Variants in FBLN7 observed in about 807,000 individuals in gnomAD.
FBLN7 encodes the protein fibulin 7, also known as fibulin-7.
FBLN7 carries 31 observed loss-of-function variants against 44.0 expected under a neutral mutation model. That is an observed-to-expected ratio of 0.70 (90% CI 0.53 to 0.95). The LOEUF is 0.95. Among genes scored for constraint, FBLN7 ranks in the 40% least tolerant of loss-of-function variants. FBLN7 has a pLI of 0.00. For missense variants in FBLN7, 573 were observed against 618.5 expected, an observed-to-expected ratio of 0.93 and a Z score of 0.78; for synonymous variants, 262 against 253.4, an observed-to-expected ratio of 1.03 and a Z score of -0.32.
chr2:112,231,526 A>G, the FBLN7 span, among the ~76,000 whole-genome samples: 2 of 152,218 alleles, frequency 1.3e-5, no homozygotes, highest in Non-Finnish European at 2.9e-5. Context: ...AAGAATCTTT[A>G]TAACAGGAGT....
intron 7 of FBLN7, among the ~76,000 whole-genome samples, chr2:112,186,618 C>T (rs1055720848): frequency 3.9e-5 from 6 of 151,982 alleles, no homozygotes; most frequent in South Asian, 4.2e-4. Context: ...CCAGCCTGGG[C>T]GACAGAGTGA....
the FBLN7 span, among the ~76,000 whole-genome samples, chr2:112,207,201 T>G: frequency 6.6e-6 from 1 of 152,222 alleles, no homozygotes; most frequent in Non-Finnish European, 1.5e-5. Flanking sequence ...GCAAGGTGGC[T>G]CATGCCTGTA....
chr2:112,212,988 T>TTTTTA, the FBLN7 span: 1 of 115,568 alleles, frequency 8.7e-6, no homozygotes, highest in Non-Finnish European at 1.8e-5. Context: ...TTTTTTTTTT[T>TTTTTA]ATAAGAGACA....
At chr2:112,200,453 C>T in the FBLN7 span, among the ~76,000 whole-genome samples, 2 of 152,100 alleles carry the variant, frequency 1.3e-5, no homozygotes, top group South Asian at 2.1e-4. Context: ...GGGGAATTCT[C>T]GAATTACCTG....
intron 1 of FBLN7, among the ~76,000 whole-genome samples, chr2:112,155,293 G>A (rs1363684668): frequency 6.6e-6 from 1 of 152,166 alleles, no homozygotes; most frequent in Non-Finnish European, 1.5e-5. Context: ...AAGGAGCTCG[G>A]TGATGCCTGT....
chr2:112,196,443 A>G, the FBLN7 span, among the ~76,000 whole-genome samples: 2 of 123,090 alleles, frequency 1.6e-5, no homozygotes, highest in African/African-American at 3.2e-5. Context: ...GTGCAGTGGT[A>G]TATTCTCATG....
chr2:112,177,667 G>A (rs1303500043), intron 4 of FBLN7: 2 of 152,036 alleles, frequency 1.3e-5, no homozygotes, highest in Non-Finnish European at 2.9e-5. Flanking sequence ...GCAAAACTGA[G>A]CTTCTGTACC....
chr2:112,202,443 A>C, the FBLN7 span, among the ~76,000 whole-genome samples: 1 of 151,652 alleles, frequency 6.6e-6, no homozygotes, highest in African/African-American at 2.4e-5. Context: ...AGAAATATAT[A>C]TATTTTTAAG....
intron 3 of FBLN7, among the ~76,000 whole-genome samples, chr2:112,173,984 C>G (rs1206665064): frequency 6.6e-6 from 1 of 152,218 alleles, no homozygotes; most frequent in East Asian, 1.9e-4. Context: ...TCCCCAACAC[C>G]CATCCACATG....
intron 1 of FBLN7, chr2:112,152,816 A>C: frequency 6.6e-6 from 1 of 152,262 alleles, no homozygotes; most frequent in Middle Eastern, 3.4e-3. Context: ...ACTGCTCGAC[A>C]GTTCCTTAAA....
At chr2:112,159,945 C>A in intron 2 of FBLN7, 110 bp downstream of exon 2, 1 of 818,660 alleles carries the variant, frequency 1.2e-6, no homozygotes, top group Non-Finnish European at 1.6e-6. Flanking sequence ...CCCCCATCAC[C>A]TTCCATCTTC....
At chr2:112,160,139 C>A (rs372876072) in intron 2 of FBLN7, among the ~76,000 whole-genome samples, 1 of 152,080 alleles carries the variant, frequency 6.6e-6, no homozygotes, top group Non-Finnish European at 1.5e-5. Context: ...TACAGGCGCC[C>A]GCCACCACGC....
At chr2:112,167,869 C>CATTATGTTATGTTATTTAT (rs1553476212) in intron 3 of FBLN7, among the ~76,000 whole-genome samples, 2 of 132,930 alleles carry the variant, frequency 1.5e-5, no homozygotes, top group African/African-American at 5.8e-5. Context: ...AGGAAAGACA[C>CATTATGTTATGTTATTTAT]GTTATGTTAT....
At chr2:112,139,509 G>A (rs1680528537) in intron 1 of FBLN7, among the ~76,000 whole-genome samples, 1 of 3,820 alleles carries the variant, frequency 2.6e-4, no homozygotes, top group Non-Finnish European at 4.5e-4. Context: ...CCAGGCCAGC[G>A]TCCCTCCCGC....
intron 3 of FBLN7, among the ~76,000 whole-genome samples, chr2:112,167,456 T>G (rs76171397): frequency 0.071 from 10,847 of 152,186 alleles, 568 homozygotes; most frequent in African/African-American, 0.15. Context: ...TTGACCTTGG[T>G]TGCTTTAGTT....
the FBLN7 span, among the ~76,000 whole-genome samples, chr2:112,205,198 T>C: frequency 6.6e-6 from 1 of 151,930 alleles, no homozygotes; most frequent in Non-Finnish European, 1.5e-5. Context: ...TATAGTAAAA[T>C]AAATATCAAA....
chr2:112,186,867 T>C (rs991669217), intron 7 of FBLN7, among the ~76,000 whole-genome samples: 3 of 152,114 alleles, frequency 2.0e-5, no homozygotes, highest in African/African-American at 7.2e-5. Context: ...ATAGCATAAA[T>C]AAATGTATGT....
chr2:112,198,614 T>G, the FBLN7 span, among the ~76,000 whole-genome samples: 1 of 149,608 alleles, frequency 6.7e-6, no homozygotes, highest in Non-Finnish European at 1.5e-5. Context: ...CCAGCCTGGG[T>G]GACAGAGTGA....
Position 112,146,586 on chromosome 2 carries a change from T to TA in FBLN7, c.75+7859dup, listed in dbSNP as rs1451292018. Among the ~76,000 whole-genome samples, 8 of 150,392 alleles carry TA rather than the reference T, an allele frequency of 5.3e-5. No individual in the cohort carries two copies. The South Asian group carries it at 1.0e-3, about 20-fold the overall frequency. ...TTTGAAGCTTTTTTTTTTTTTTTTT[T>TA]AAATTCATTTCCAAGTGGATATCCC... On this transcript the variant is annotated intron_variant, in intron 1 of 7. Coordinates refer to ENST00000331203, the MANE Select transcript of FBLN7 (RefSeq NM_153214.3).
Sources: allele counts gnomAD v4.1 joint callset (sites outside exome capture counted in the v4.1 genomes callset), GRCh38; gene constraint gnomAD v4.1.1; transcripts MANE v1.5; gene names NCBI Gene and HGNC (gene_info 2026-07-23, HGNC 2026-07-21).